The following TTN variants were observed in gnomAD, a reference collection of about 807,000 sequenced individuals.
TTN encodes connectin.
A neutral mutation model predicts 3,223.0 loss-of-function variants in TTN; 1,525 were observed. The ratio of observed to expected loss-of-function variants is 0.47; its 90% confidence interval spans 0.45 to 0.49. The LOEUF (loss-of-function observed/expected upper bound fraction) is 0.49, where lower values mean the gene tolerates loss of function less well. TTN is among the 20% of genes least tolerant of loss of function. The pLI, the probability that TTN is intolerant of heterozygous loss-of-function variation, is 0.00. For missense variants in TTN, 40,786 were observed against 43,424.0 expected (o/e 0.94, Z 5.40); for synonymous variants, 14,094 against 15,161.0 (o/e 0.93, Z 5.17).
rs762746986 is a variant in TTN, at chr2:178,664,036, G to A, written c.36343C>T (p.Pro12115Ser). 1 of 1,613,304 alleles carries A rather than the reference G, an allele frequency of 6.2e-7. No individual in the cohort carries two copies. The highest frequency in any genetic ancestry group is 1.1e-5 in the South Asian group (1 of 91,056). ...KKVSVVPPKK[P>S]EVPPVKVPEA... ...ATACCTTTAACAGGTGGGACTTCAG[G>A]CTTTTTAGGAGGCACCACCGACACT... The change falls in exon 169 of 363, where the codon CCT becomes TCT. Residue 12115 changes from proline (P) to serine (S), a missense_variant. By Grantham distance (74) the Pro-to-Ser change is moderately conservative. Coordinates refer to ENST00000589042, the MANE Select transcript of TTN (RefSeq NM_001267550.2).
At chr2:178,784,986 T>C (rs1412321614) in intron 15 of TTN, among the ~76,000 whole-genome samples, 3 of 152,190 alleles carry the variant, frequency 2.0e-5, no homozygotes, top group Non-Finnish European at 4.4e-5. Context: ...ATAACAATAG[T>C]GACTAATATC....
rs543318580 is a variant in TTN, at chr2:178,571,529, ATTG to A, written c.74600_74602del (p.Thr24867del). On this transcript the variant is annotated inframe_deletion, in exon 326 of 363. Coordinates refer to ENST00000589042, the MANE Select transcript of TTN (RefSeq NM_001267550.2). ...TCCAGTCTTCAGTCTGCAAGCCTTT[ATTG>A]TTGTCCTTGCAACTGTAGCTGATAC... 1,854 of 1,613,218 alleles carry A rather than the reference ATTG, an allele frequency of 1.1e-3. 2 individuals carry two copies. The highest frequency in any genetic ancestry group is 1.3e-3 in the Non-Finnish European group (1,589 of 1,179,570).
chr2:178,729,935 T>C lies in TTN; in HGVS notation c.18318A>G (p.Gln6106=). Residue 6106 remains glutamine (Q), a synonymous_variant, in exon 63 of 363, where the codon CAA becomes CAG. Transcript: ENST00000589042. ...AGACTGGACTGGGCTTCTTAATGAA[T>C]TGAGGAGGTTCTAAAGATGGAAAAA... The part of the protein sequence containing the change: ...KATLFVKEPP[Q]FIKKPSPVLV... 6.2e-7 allele frequency: 1 copy of C among 1,611,368 alleles called. No individual in the cohort carries two copies. The highest frequency in any genetic ancestry group is 8.5e-7 in the Non-Finnish European group (1 of 1,178,992).
rs923663993 is a variant in TTN, at chr2:178,614,971, G to T, written c.48639-3C>A. Reference sequence around the variant, plus strand: ...CCTCAAGACCTGTCACTTCCATTCTGTCAGAAAACAGAATAGGATGTTTTA... The same window carrying T: ...CCTCAAGACCTGTCACTTCCATTCTTTCAGAAAACAGAATAGGATGTTTTA... On this transcript the variant is annotated splice_polypyrimidine_tract_variant and splice_region_variant and intron_variant, in intron 259 of 362. Coordinates refer to ENST00000589042, the MANE Select transcript of TTN (RefSeq NM_001267550.2). The T allele has an allele frequency of 6.3e-7, 1 of 1,593,996 alleles. No individual in the cohort carries two copies. Among genetic ancestry groups the T allele is most frequent in the Non-Finnish European group, 8.6e-7 (1 of 1,168,402 alleles).
chr2:178,800,034 A>G, intron 4 of TTN, 124 bp from the exon 5 acceptor site: 1 of 1,077,840 alleles, frequency 9.3e-7, no homozygotes, highest in South Asian at 1.5e-5. Context: ...AAAATTGCAG[A>G]AAGTTTTGGA....
At chr2:178,625,484 GA>G in intron 240 of TTN, 88 bp from the exon 241 acceptor site, 1 of 1,381,548 alleles carries the variant, frequency 7.2e-7, no homozygotes, top group Non-Finnish European at 9.4e-7. Flanking sequence ...AATGGAAATA[GA>G]GCTTTCCAAG....
intron 257 of TTN, 90 bp from the exon 258 acceptor site, chr2:178,615,878 G>A (rs530678134): frequency 6.5e-6 from 9 of 1,389,302 alleles, no homozygotes; most frequent in Non-Finnish European, 8.7e-6. Flanking sequence ...GATACAAACT[G>A]CAGTTGTTTT....
chr2:178,604,346 C>A, intron 281 of TTN, 41 bp from the exon 282 acceptor site: 1 of 1,379,994 alleles, frequency 7.2e-7, no homozygotes, highest in Non-Finnish European at 9.4e-7. Flanking sequence ...AGAGAATATA[C>A]TTATGTTGGT....
At chr2:178,551,484 T>C in intron 335 of TTN, 146 bp downstream of exon 335, 1 of 803,984 alleles carries the variant, frequency 1.2e-6, no homozygotes, top group Non-Finnish European at 1.8e-6. Context: ...TGACTTAAAA[T>C]AATTCCTCTT....
Position 178,728,872 on chromosome 2 carries a change from A to C in TTN, c.19147+19T>G. On this transcript the variant is annotated intron_variant, in intron 65 of 362. Coordinates refer to ENST00000589042, the MANE Select transcript of TTN (RefSeq NM_001267550.2). ...AACTGTCGCTATAGACTATCTTTGAAAGAGAATAGCTTACAAACCTTGTAC... is the reference window on the plus strand; with the variant it reads ...AACTGTCGCTATAGACTATCTTTGACAGAGAATAGCTTACAAACCTTGTAC... 1.9e-6 allele frequency: 3 copies of C among 1,578,858 alleles called. No homozygotes were observed. The highest frequency in any genetic ancestry group is 2.6e-6 in the Non-Finnish European group (3 of 1,160,584).
rs767535967 is a variant in TTN, at chr2:178,636,042, A to T, written c.41529T>A (p.Asp13843Glu). The change falls in exon 226 of 363, where the codon GAT becomes GAA. Residue 13843 changes from aspartate to glutamate, a missense_variant. Asp to Glu is a conservative substitution (Grantham distance 45). Transcript: ENST00000589042. This position sits in a 1 kb window ranked among gnomAD's most constrained non-coding sequence, Gnocchi z 4.3. ...CTGTGTATGTTCCAGCATCTGTGTCATCTGCATCGTTGATGGTCAGAGCCC... is the reference window on the plus strand; with the variant it reads ...CTGTGTATGTTCCAGCATCTGTGTCTTCTGCATCGTTGATGGTCAGAGCCC... ...LMRALTINDADDTDAGTYTVT... is the reference protein window; with the variant it reads ...LMRALTINDAEDTDAGTYTVT... The T allele has an allele frequency of 6.2e-7, 1 of 1,613,280 alleles. No homozygotes were observed. The highest frequency in any genetic ancestry group is 2.2e-5 in the East Asian group (1 of 44,756).
In TTN at chr2:178,739,494, G is replaced by A; in HGVS notation, c.13739C>T (p.Ser4580Phe). Residue 4580 changes from serine (S) to phenylalanine (F), a missense_variant, in exon 48 of 363, where the codon TCC (serine) becomes TTC (phenylalanine). Transcript: ENST00000589042. ...LKPSEEKEES[S>F]SESGTEEVAT... ...AACCTCCTCAGTACCACTTTCAGAG[G>A]AAGACTCCTCTTTTTCCTCTGATGG... is the stretch of plus-strand genomic sequence containing the variant. 1 of 1,613,734 alleles carries A rather than the reference G, an allele frequency of 6.2e-7. No individual in the cohort carries two copies. Among genetic ancestry groups the A allele is most frequent in the Non-Finnish European group, 8.5e-7 (1 of 1,179,824 alleles).
In TTN at chr2:178,574,713, A is replaced by G. The variant is rs1709451594; in HGVS notation, c.71419T>C (p.Tyr23807His). 1 of 1,613,286 alleles carries G rather than the reference A, an allele frequency of 6.2e-7. No individual in the cohort carries two copies. The highest frequency in any genetic ancestry group is 1.3e-5 in the African/African-American group (1 of 74,998). The change falls in exon 326 of 363, where the codon TAT becomes CAT. Residue 23807 changes from tyrosine (Y) to histidine (H), a missense_variant. Physicochemically the swap from Tyr to His is moderately conservative, Grantham distance 83 (BLOSUM62 2). Transcript: ENST00000589042. The part of the protein sequence containing the change: ...YQFRVKAQNR[Y>H]GVGPGITSAC... ...GATGTGATGCCTGGTCCAACTCCATATCTATTCTGAGCTTTTACACGGAAC... is the reference window on the plus strand; with the variant it reads ...GATGTGATGCCTGGTCCAACTCCATGTCTATTCTGAGCTTTTACACGGAAC...
chr2:178,750,487 A>C, intron 47 of TTN: 4 of 1,612,958 alleles, frequency 2.5e-6, no homozygotes, highest in Non-Finnish European at 3.4e-6. Flanking sequence ...CTATAGGTTG[A>C]GGATATCCTT....
intron 326 of TTN, chr2:178,558,898 A>G (rs1702506305): frequency 2.1e-6 from 1 of 474,360 alleles, no homozygotes; most frequent in Non-Finnish European, 3.7e-6. Flanking sequence ...CAAATTCACC[A>G]TGGGGATAAA....
intron 141 of TTN, 35 bp downstream of exon 141, chr2:178,679,564 G>A: frequency 5.0e-6 from 8 of 1,597,918 alleles, no homozygotes; most frequent in Non-Finnish European, 6.8e-6. Context: ...GGCAGATGAA[G>A]TCTCTTAGAT....
Position 178,679,619 on chromosome 2 carries a change from T to G in TTN, c.33644A>C (p.Lys11215Thr). ...TGTACCTTTTGCCGGTGGAGCTTCC[T>G]TCTTCTTGGGAACAGGAACAGGTTT... ...EKKPVPVPKK[K>T]EAPPAKVPEV... is the part of the protein sequence containing the mutation. The change falls in exon 141 of 363, where the codon AAG (lysine) becomes ACG (threonine). Residue 11215 changes from lysine (K) to threonine (T), a missense_variant. Coordinates refer to ENST00000589042, the MANE Select transcript of TTN (RefSeq NM_001267550.2). 1 of 1,611,662 alleles carries G rather than the reference T, an allele frequency of 6.2e-7. No individual in the cohort carries two copies.
At chr2:178,751,031 G>A (rs1230350691) in intron 47 of TTN, 7 of 1,612,428 alleles carry the variant, frequency 4.3e-6, no homozygotes, top group Non-Finnish European at 1.7e-6. Flanking sequence ...AAAGCTTGTG[G>A]GAAGTTCCTC....
At chr2:178,639,849 G>C in intron 222 of TTN, 61 bp from the exon 223 acceptor site, 1 of 1,497,382 alleles carries the variant, frequency 6.7e-7, no homozygotes, top group Non-Finnish European at 9.0e-7. Context: ...AACTTATTTG[G>C]TAGCTTATTT....
Sources: gnomAD v4.1 joint callset for allele counts (sites outside exome capture counted in the v4.1 genomes callset) on GRCh38, gnomAD v4.1.1 for gene constraint, Gnocchi (gnomAD v3.1) non-coding constraint, MANE v1.5 for transcripts, NCBI Gene and HGNC (gene_info 2026-07-23, HGNC 2026-07-21) for gene names.